Variants in PDE6B observed in about 807,000 individuals in gnomAD.
PDE6B encodes the protein phosphodiesterase 6B, also known as rod cGMP-specific 3',5'-cyclic phosphodiesterase subunit beta.
PDE6B carries 106 observed loss-of-function variants against 109.0 expected under a neutral mutation model. The observed-to-expected ratio is 0.97, with a 90% confidence interval of 0.83 to 1.14. The LOEUF (loss-of-function observed/expected upper bound fraction) is 1.14. Ranked by LOEUF, PDE6B falls within the 50% of genes most tolerant of loss-of-function variation. The probability of loss-of-function intolerance (pLI) is 0.00; values close to 1 mark genes in which losing one functional copy is unlikely to be tolerated. For missense variants in PDE6B, 1,193 were observed against 1,155.6 expected (o/e 1.03, Z -0.47); for synonymous variants, 490 against 471.3 (o/e 1.04, Z -0.51).
At chr4:630,783 G>T (rs73056576) in intron 1 of PDE6B, among the ~76,000 whole-genome samples, 2 of 152,208 alleles carry the variant, frequency 1.3e-5, no homozygotes, top group Admixed American at 6.5e-5. Context: ...TGTTCCTCTC[G>T]GTCCTAAGGG....
rs1247494985 is a variant in PDE6B, at chr4:633,930, T to C, written c.469-747T>C. On this transcript the variant is annotated intron_variant, in intron 1 of 21. Transcript: ENST00000496514. This position sits in a 1 kb window ranked among gnomAD's most constrained non-coding sequence, Gnocchi z 4.5. ...GGCAGAGCTCAGCTGACCTGTTCCT[T>C]GAGGGGCCGGAACCTAAGAGCCAAG... Among the ~76,000 whole-genome samples the C allele has an allele frequency of 6.6e-6, 1 of 151,568 alleles. No homozygotes were observed. The highest frequency in any genetic ancestry group is 2.4e-5 in the African/African-American group (1 of 41,290).
In PDE6B at chr4:663,713, C is replaced by T. The variant is rs1737414578; in HGVS notation, c.1921-57C>T. ...GCCGAGGCGGAAGGGGCGGGGTCCC[C>T]GGGCACCCTGAGAGGTGGCCGCAGG... On this transcript the variant is annotated intron_variant, in intron 15 of 21. Transcript: ENST00000496514. The surrounding 1 kb of genome is among the most constrained non-coding windows in gnomAD (Gnocchi z 4.0). The T allele has an allele frequency of 3.0e-6, 4 of 1,335,786 alleles. No homozygotes were observed. The highest frequency in any genetic ancestry group is 4.3e-6 in the Non-Finnish European group (4 of 933,110). The allele number at this position is 1,335,786 out of a possible 1,614,324, so 82.7% of individuals were successfully genotyped here. A position where few individuals can be genotyped will look rare whatever the true frequency, so the allele number is the denominator to read the frequency against.
chr4:627,007 A>C (rs1175588946), intron 1 of PDE6B, among the ~76,000 whole-genome samples: 2 of 152,138 alleles, frequency 1.3e-5, no homozygotes, highest in African/African-American at 2.4e-5. Flanking sequence ...ACAGCTAAGG[A>C]GGCTGCAAGA....
chr4:663,097 C>G lies in PDE6B; in HGVS notation c.1833-3C>G, dbSNP rs1241323917. On this transcript the variant is annotated splice_region_variant and splice_polypyrimidine_tract_variant and intron_variant, in intron 14 of 21. Coordinates refer to ENST00000496514, the MANE Select transcript of PDE6B (RefSeq NM_000283.4). This position sits in a 1 kb window ranked among gnomAD's most constrained non-coding sequence, Gnocchi z 4.0. ...GGCCTCACCTCCACCACCTGTGTAA[C>G]AGGTCCCAGAACCCCTTGGCTAAGC... 4 of 1,591,714 alleles carry G rather than the reference C, an allele frequency of 2.5e-6. No individual in the cohort carries two copies. The highest frequency in any genetic ancestry group is 3.4e-6 in the Non-Finnish European group (4 of 1,159,734).
In PDE6B at chr4:663,749, C is replaced by A; in HGVS notation, c.1921-21C>A. On this transcript the variant is annotated intron_variant, in intron 15 of 21. Transcript: ENST00000496514. This position sits in a 1 kb window ranked among gnomAD's most constrained non-coding sequence, Gnocchi z 4.0. ...AGAGGTGGCCGCAGGGCGCCTGACGCGCTGGGCATAACCTCCGCAGACCCT... is the reference window on the plus strand; with the variant it reads ...AGAGGTGGCCGCAGGGCGCCTGACGAGCTGGGCATAACCTCCGCAGACCCT... 1.3e-6 allele frequency: 2 copies of A among 1,594,178 alleles called. No homozygotes were observed. The highest frequency in any genetic ancestry group is 1.7e-6 in the Non-Finnish European group (2 of 1,163,452).
rs761301106 is a variant in PDE6B, at chr4:656,999, C to T, written c.1233C>T (p.Asp411=). 13 of 1,613,264 alleles carry T rather than the reference C, an allele frequency of 8.1e-6. No homozygotes were observed. Among genetic ancestry groups the T allele is most frequent in the Admixed American group, 3.3e-5 (2 of 60,028 alleles). The stretch of plus-strand genomic sequence containing the variant: ...ACAGGAAAGACGGGAAGCCCTTTGA[C>T]GAACAGGACGAGGTTCTCATGGAGG... ...FYNRKDGKPF[D]EQDEVLMESL... Residue 411 remains aspartate, a synonymous_variant, in exon 9 of 22, where the codon GAC becomes GAT. Coordinates refer to ENST00000496514, the MANE Select transcript of PDE6B (RefSeq NM_000283.4).
chr4:657,105 A>G, intron 9 of PDE6B, 82 bp downstream of exon 9: 4 of 1,424,440 alleles, frequency 2.8e-6, no homozygotes, highest in Non-Finnish European at 4.0e-6. Context: ...CTCCCCGCCA[A>G]GCATTCGGCT....
intron 3 of PDE6B, among the ~76,000 whole-genome samples, chr4:649,751 C>T (rs749544849): frequency 5.3e-5 from 8 of 152,096 alleles, no homozygotes; most frequent in Non-Finnish European, 1.2e-4. Context: ...GGCTCAGGGT[C>T]GGGGGGAGAC....
At chr4:630,390 C>T (rs752457157) in intron 1 of PDE6B, among the ~76,000 whole-genome samples, 33 of 152,046 alleles carry the variant, frequency 2.2e-4, no homozygotes, top group Non-Finnish European at 3.2e-4. Flanking sequence ...CGGCTGGTAC[C>T]GAGTGCCCAT....
chr4:647,080 A>C (rs1735242028), intron 3 of PDE6B, among the ~76,000 whole-genome samples: 1 of 150,126 alleles, frequency 6.7e-6, no homozygotes, highest in Non-Finnish European at 1.5e-5. Context: ...CTGGTCTTGA[A>C]CTCCTGACTT....
chr4:649,815 C>G (rs561638654), intron 3 of PDE6B, among the ~76,000 whole-genome samples: 1 of 152,298 alleles, frequency 6.6e-6, no homozygotes, highest in African/African-American at 2.4e-5. Context: ...CTGCCCTGGC[C>G]CCTCAGGACC....
chr4:632,881 G>C (rs1323670185), intron 1 of PDE6B, among the ~76,000 whole-genome samples: 1 of 152,204 alleles, frequency 6.6e-6, no homozygotes, highest in Non-Finnish European at 1.5e-5. Context: ...TATATGTCCA[G>C]GTGTCATGCT....
rs921746106 is a variant in PDE6B at position 626,634 on chromosome 4, C to T, written c.468+540C>T. 2.0e-5 allele frequency among the ~76,000 whole-genome samples: 3 copies of T among 152,306 alleles called. No homozygotes were observed. Among genetic ancestry groups the T allele is most frequent in the East Asian group, 1.9e-4 (1 of 5,182 alleles). On this transcript the variant is annotated intron_variant, in intron 1 of 21. Transcript: ENST00000496514. This position sits in a 1 kb window ranked among gnomAD's most constrained non-coding sequence, Gnocchi z 4.6. Reference sequence around the variant, plus strand: ...TTATCCCATGGGAGCCCACGCCAGCCGCCAGGGGAGAACAAACCTGGTAGC... The same window carrying T: ...TTATCCCATGGGAGCCCACGCCAGCTGCCAGGGGAGAACAAACCTGGTAGC...
At position 662,845 on chromosome 4, in the gene PDE6B, A is replaced by G. The variant is rs1737276861; in HGVS notation, c.1832+227A>G. On this transcript the variant is annotated intron_variant, in intron 14 of 21. Transcript: ENST00000496514. The surrounding 1 kb of genome is among the most constrained non-coding windows in gnomAD (Gnocchi z 4.3). ...CCTCTACAAAAACTTAAAAAAAAAA[A>G]AAAAAAAAAAAGCTGTGTATGGTGG... is the stretch of plus-strand genomic sequence containing the variant. 1.3e-5 allele frequency among the ~76,000 whole-genome samples: 2 copies of G among 151,838 alleles called. No individual in the cohort carries two copies. The highest frequency in any genetic ancestry group is 2.9e-5 in the Non-Finnish European group (2 of 67,844).
At chr4:652,692 T>C (rs1735689405) in intron 3 of PDE6B, 1 of 165,704 alleles carries the variant, frequency 6.0e-6, no homozygotes, top group Non-Finnish European at 1.2e-5. Context: ...TCATCGGAGA[T>C]GATTTGAAGT....
At chr4:657,299 GA>G in intron 9 of PDE6B, 51 bp from the exon 10 acceptor site, 4 of 1,607,198 alleles carry the variant, frequency 2.5e-6, no homozygotes, top group Non-Finnish European at 3.4e-6. Context: ...AGGCACATGG[GA>G]GGGGGCGCGC....
rs1216991514 is a variant in PDE6B, at chr4:657,513, TCCAGGGGTCAC to T, written c.1401+31_1401+41del. ...CATCCTGGTGCGGCGGGGCAGGACG[TCCAGGGGTCAC>T]CCAGGGGTCACGGCTGTGTGGCAGG... On this transcript the variant is annotated intron_variant, in intron 10 of 21. Transcript: ENST00000496514. 9.6e-6 allele frequency: 14 copies of T among 1,464,794 alleles called. No homozygotes were observed. Among genetic ancestry groups the T allele is most frequent in the East Asian group, 4.5e-5 (2 of 44,806 alleles). The allele number at this position is 1,464,794 out of a possible 1,614,324, so 90.7% of individuals were successfully genotyped here.
intron 20 of PDE6B, 46 bp from the exon 21 acceptor site, chr4:667,810 A>G (rs1000179415): frequency 1.0e-5 from 16 of 1,596,754 alleles, no homozygotes; most frequent in Non-Finnish European, 1.4e-5. Context: ...TACTCTGGAG[A>G]GAGCAGGCAG....
chr4:663,905 CG>C lies in PDE6B; in HGVS notation c.2021+38del. The C allele has an allele frequency of 6.6e-7, 1 of 1,506,926 alleles. No individual in the cohort carries two copies. The highest frequency in any genetic ancestry group is 9.1e-7 in the Non-Finnish European group (1 of 1,096,224). 93.3% of individuals were successfully genotyped at this position (1,506,926 alleles called of 1,614,324 possible). A position where few individuals can be genotyped will look rare whatever the true frequency, so the allele number is the denominator to read the frequency against. On this transcript the variant is annotated intron_variant, in intron 16 of 21. Coordinates refer to ENST00000496514, the MANE Select transcript of PDE6B (RefSeq NM_000283.4). The surrounding 1 kb of genome is among the most constrained non-coding windows in gnomAD (Gnocchi z 4.0). ...TTCCGGGAGGGGGCGCCTCGCGGGG[CG>C]GGCGGGTAGCCTGGGACCCCCGGCA...
Sources: allele counts gnomAD v4.1 joint callset (sites outside exome capture counted in the v4.1 genomes callset), GRCh38; gene constraint gnomAD v4.1.1; non-coding constraint Gnocchi (gnomAD v3.1); transcripts MANE v1.5; gene names NCBI Gene and HGNC (gene_info 2026-07-23, HGNC 2026-07-21).